Variants in SHANK2 observed in about 807,000 individuals in gnomAD.
SHANK2 encodes the protein SH3 and multiple ankyrin repeat domains 2, also known as SH3 and multiple ankyrin repeat domains protein 2.
A neutral mutation model predicts 133.7 loss-of-function variants in SHANK2; 43 were observed. The ratio of observed to expected loss-of-function variants is 0.32; its 90% CI spans 0.25 to 0.41. SHANK2 has a LOEUF of 0.41. SHANK2 is among the 10% of genes least tolerant of loss of function. The pLI is 1.00. For missense variants in SHANK2, 1,994 were observed against 2,235.8 expected, an observed-to-expected ratio of 0.89 and a Z score of 2.18; for synonymous variants, 1,017 against 952.8, an observed-to-expected ratio of 1.07 and a Z score of -1.24.
At position 71,083,979 on chromosome 11, in the gene SHANK2, T is replaced by TTG. The variant is rs1555092236; in HGVS notation, c.912+8442_912+8443insCA. Among the ~76,000 whole-genome samples, 392 of 147,804 alleles carry TTG rather than the reference T, an allele frequency of 2.7e-3. 3 individuals carry two copies. Among genetic ancestry groups the TTG allele is most frequent in the African/African-American group, 9.4e-3 (376 of 39,938 alleles). ...GGTAATTTGAATAACAACTTTTTTT[T>TTG]GGGGGGGGGAGACAGAGTCTTGCTC... On this transcript the variant is annotated intron_variant, in intron 8 of 25. Transcript: ENST00000601538.
intron 25 of SHANK2, among the ~76,000 whole-genome samples, chr11:70,480,492 A>G (rs1555151257): frequency 6.6e-6 from 1 of 152,042 alleles, no homozygotes; most frequent in Non-Finnish European, 1.5e-5. Flanking sequence ...ACCTATTAGC[A>G]TGTTGTGGCT....
At chr11:70,607,372 T>G (rs112626714) in intron 17 of SHANK2, among the ~76,000 whole-genome samples, 1 of 152,152 alleles carries the variant, frequency 6.6e-6, no homozygotes, top group Non-Finnish European at 1.5e-5. Flanking sequence ...TCTCTCCCTA[T>G]GTGCCTGCCC....
intron 14 of SHANK2, among the ~76,000 whole-genome samples, chr11:70,758,921 G>A (rs1946929142): frequency 6.6e-6 from 1 of 152,058 alleles, no homozygotes; most frequent in African/African-American, 2.4e-5. Context: ...AGCACTTTGG[G>A]AGGCTGAGGC....
At chr11:71,075,136 CT>C in intron 9 of SHANK2, 22 bp downstream of exon 9, 1 of 186,002 alleles carries the variant, frequency 5.4e-6, no homozygotes. Context: ...ACATTATTTC[CT>C]TTAAATGCGC....
chr11:70,710,352 A>G (rs1330642900), intron 14 of SHANK2, among the ~76,000 whole-genome samples: 6 of 152,164 alleles, frequency 3.9e-5, no homozygotes, highest in African/African-American at 1.4e-4. Flanking sequence ...GGACTGTAGG[A>G]GACTGTGTCC....
At position 71,094,688 on chromosome 11, in the gene SHANK2, T is replaced by C. The variant is rs184957619; in HGVS notation, c.593A>G (p.Glu198Gly). The C allele has an allele frequency of 6.4e-7, 1 of 1,551,446 alleles. No individual in the cohort carries two copies. The highest frequency in any genetic ancestry group is 1.2e-5 in the South Asian group (1 of 84,026). Residue 198 changes from glutamate to glycine, a missense_variant and splice_region_variant, in exon 7 of 26, where the codon GAG (glutamate) becomes GGG (glycine). Glu to Gly is a moderately conservative substitution (Grantham distance 98). Coordinates refer to ENST00000601538, the MANE Select transcript of SHANK2 (RefSeq NM_012309.5). ...CTGAGCGGCTAAGGTCAGGGGGGTC[T>C]CTGAGGAACCCAAACACACACACTT... Reference protein sequence around the residue: ...DPNFHDPETGETPLTLAAQLD... With the variant: ...DPNFHDPETGGTPLTLAAQLD...
In SHANK2 at chr11:70,804,043, A is replaced by T. The variant is rs1555051285; in HGVS notation, c.1663+2959T>A. ...GTGTTATCAGCAGGACCCCAGGGCC[A>T]CCCTGGGGCCCGTCACAGCCACCCT... On this transcript the variant is annotated intron_variant, in intron 13 of 25. Transcript: ENST00000601538. This position sits in a 1 kb window ranked among gnomAD's most constrained non-coding sequence, Gnocchi z 4.1. Among the ~76,000 whole-genome samples, 1 of 151,988 alleles carries T rather than the reference A, an allele frequency of 6.6e-6. No individual in the cohort carries two copies. The highest frequency in any genetic ancestry group is 2.4e-5 in the African/African-American group (1 of 41,406).
chr11:71,192,401 C>T (rs1333591565), intron 2 of SHANK2, among the ~76,000 whole-genome samples: 2 of 152,104 alleles, frequency 1.3e-5, no homozygotes, highest in Non-Finnish European at 2.9e-5. Flanking sequence ...CTATGAGAGC[C>T]CATTGACCAA....
At position 70,866,282 on chromosome 11, in the gene SHANK2, C is replaced by A. The variant is rs533893244; in HGVS notation, c.1174+30219G>T. Among the ~76,000 whole-genome samples, 3 of 152,154 alleles carry A rather than the reference C, an allele frequency of 2.0e-5. No homozygotes were observed. In the South Asian group the frequency reaches 6.2e-4, roughly 32 times the overall value. ...AGAGTGCAGCTCAGAGGAGCCACAG[C>A]CCATCGCACCCCGCGGCACCAAATG... is the stretch of plus-strand genomic sequence containing the variant. On this transcript the variant is annotated intron_variant, in intron 11 of 25. Coordinates refer to ENST00000601538, the MANE Select transcript of SHANK2 (RefSeq NM_012309.5).
At chr11:71,103,870 C>G (rs565471376) in intron 6 of SHANK2, among the ~76,000 whole-genome samples, 1 of 125,402 alleles carries the variant, frequency 8.0e-6, no homozygotes, top group East Asian at 2.9e-4. Flanking sequence ...TTCTCCCTCT[C>G]CCCCCCTCTT....
intron 14 of SHANK2, among the ~76,000 whole-genome samples, chr11:70,709,919 G>C (rs1422308331): frequency 6.6e-6 from 1 of 152,122 alleles, no homozygotes; most frequent in African/African-American, 2.4e-5. Flanking sequence ...CCTCGGAGCT[G>C]AGTCTATGCT....
chr11:70,536,761 C>T (rs2059549113), intron 17 of SHANK2, among the ~76,000 whole-genome samples: 1 of 152,184 alleles, frequency 6.6e-6, no homozygotes. Flanking sequence ...CTCAGTGTCA[C>T]CCCTTCCATG....
At chr11:70,591,936 T>G (rs1259881260) in intron 17 of SHANK2, among the ~76,000 whole-genome samples, 1 of 151,602 alleles carries the variant, frequency 6.6e-6, no homozygotes, top group Non-Finnish European at 1.5e-5. Context: ...GGAGAACCGC[T>G]GAAACCGGGA....
At chr11:70,711,735 T>C (rs782570027) in intron 14 of SHANK2, among the ~76,000 whole-genome samples, 7 of 152,258 alleles carry the variant, frequency 4.6e-5, no homozygotes, top group African/African-American at 7.2e-5. Flanking sequence ...GAGCTTTGAT[T>C]TGAAAAGCAA....
intron 2 of SHANK2, among the ~76,000 whole-genome samples, chr11:71,223,997 G>T (rs1490230276): frequency 6.6e-6 from 1 of 152,208 alleles, no homozygotes; most frequent in Non-Finnish European, 1.5e-5. Context: ...GGAGGCAAGG[G>T]TCCTATACCA....
At chr11:70,586,716 T>C (rs1218412072) in intron 17 of SHANK2, among the ~76,000 whole-genome samples, 1 of 152,176 alleles carries the variant, frequency 6.6e-6, no homozygotes, top group East Asian at 1.9e-4. Flanking sequence ...TCTTGACCCT[T>C]ATCCTAGGGG....
intron 14 of SHANK2, among the ~76,000 whole-genome samples, chr11:70,745,343 G>A (rs1344497958): frequency 1.3e-5 from 2 of 152,214 alleles, no homozygotes; most frequent in Middle Eastern, 3.2e-3. Flanking sequence ...TGGTCTCCAC[G>A]TATTTCCATG....
chr11:70,474,644 T>C (rs1013846720), intron 25 of SHANK2: 8 of 152,318 alleles, frequency 5.3e-5, no homozygotes, highest in Admixed American at 3.3e-4. Context: ...ATTCATCCTA[T>C]TGTCCCTAGG....
At chr11:71,112,079 C>A (rs1951899371) in intron 5 of SHANK2, among the ~76,000 whole-genome samples, 1 of 152,208 alleles carries the variant, frequency 6.6e-6, no homozygotes, top group African/African-American at 2.4e-5. Flanking sequence ...ATGATAATGA[C>A]AGATTAGAAC....
Sources: gnomAD v4.1 joint callset for allele counts (sites outside exome capture counted in the v4.1 genomes callset) on GRCh38, gnomAD v4.1.1 for gene constraint, Gnocchi (gnomAD v3.1) non-coding constraint, MANE v1.5 for transcripts, NCBI Gene and HGNC (gene_info 2026-07-23, HGNC 2026-07-21) for gene names.